Variants in COG6 observed in about 807,000 individuals in gnomAD.
The protein encoded by COG6 is component of oligomeric golgi complex 6.
A neutral mutation model predicts 88.8 loss-of-function variants in COG6; 74 were observed. That is an observed-to-expected ratio of 0.83 (90% CI 0.69 to 1.01). COG6 has a LOEUF of 1.01. Among genes scored for constraint, COG6 ranks in the 50% least tolerant of loss-of-function variants. The pLI is 0.00. For missense variants in COG6, 800 were observed against 797.9 expected, an observed-to-expected ratio of 1.00 and a Z score of -0.03; for synonymous variants, 286 against 278.7, an observed-to-expected ratio of 1.03 and a Z score of -0.26.
chr13:39,720,404 T>G (rs1203450464), intron 15 of COG6, among the ~76,000 whole-genome samples: 2 of 152,080 alleles, frequency 1.3e-5, no homozygotes, highest in Non-Finnish European at 2.9e-5. Context: ...GGATTCCAGT[T>G]TTAAGCAGTG....
At chr13:39,742,851 G>A (rs1027192919) in intron 18 of COG6, among the ~76,000 whole-genome samples, 1 of 152,038 alleles carries the variant, frequency 6.6e-6, no homozygotes, top group African/African-American at 2.4e-5. Context: ...CACATAGTTC[G>A]AAGTAAAGCA....
Position 39,665,151 on chromosome 13 carries a change from A to C in COG6, c.425A>C (p.Glu142Ala), listed in dbSNP as rs1444224454. 2.0e-6 allele frequency: 3 copies of C among 1,522,278 alleles called. No homozygotes were observed. The South Asian group carries it at 3.4e-5, about 17-fold the overall frequency. The allele number at this position is 1,522,278 out of a possible 1,614,324, so 94.3% of individuals were successfully genotyped here. A position where few individuals can be genotyped will look rare whatever the true frequency, so the allele number is the denominator to read the frequency against. ...LIVKTTKLQS[E>A]SQKLEIRAQV... ...GTAAAAACCACTAAGCTTCAATCTG[A>C]AAGGTAAGTTTTTCTTCATACAACC... The change falls in exon 4 of 19, where the codon GAA becomes GCA. Residue 142 changes from glutamate (E) to alanine (A), a missense_variant. Transcript: ENST00000455146.
chr13:39,686,631 A>G (rs988768954), intron 8 of COG6, among the ~76,000 whole-genome samples: 1 of 152,258 alleles, frequency 6.6e-6, no homozygotes, highest in African/African-American at 2.4e-5. Flanking sequence ...AAAGATGGAT[A>G]GCAATTTTTG....
intron 4 of COG6, among the ~76,000 whole-genome samples, chr13:39,676,407 G>C (rs953199370): frequency 6.6e-6 from 1 of 152,072 alleles, no homozygotes; most frequent in Non-Finnish European, 1.5e-5. Context: ...ATAACTTTTA[G>C]ATATCAATAA....
intron 13 of COG6, among the ~76,000 whole-genome samples, chr13:39,713,848 T>C (rs543535947): frequency 6.6e-6 from 1 of 152,354 alleles, no homozygotes; most frequent in South Asian, 2.1e-4. Flanking sequence ...CCTCCTTAGA[T>C]TTTCTTTCTG....
At chr13:39,777,069 T>G (rs1881486355) in intron 18 of COG6, among the ~76,000 whole-genome samples, 1 of 152,214 alleles carries the variant, frequency 6.6e-6, no homozygotes, top group African/African-American at 2.4e-5. Context: ...CATCAAGTGT[T>G]AGGCTAACTA....
intron 18 of COG6, among the ~76,000 whole-genome samples, chr13:39,771,164 A>G (rs1181221626): frequency 6.6e-6 from 1 of 152,120 alleles, no homozygotes; most frequent in African/African-American, 2.4e-5. Context: ...GTCATTCCAT[A>G]CAAGGTTGAT....
intron 8 of COG6, among the ~76,000 whole-genome samples, chr13:39,686,892 G>A (rs890949516): frequency 2.0e-5 from 3 of 151,860 alleles, no homozygotes; most frequent in Non-Finnish European, 4.4e-5. Context: ...ACCATGCCTG[G>A]CTATTTTTTT....
chr13:39,742,775 C>T (rs530484315), intron 18 of COG6, among the ~76,000 whole-genome samples: 1 of 152,304 alleles, frequency 6.6e-6, no homozygotes, highest in South Asian at 2.1e-4. Flanking sequence ...CTACAGAACT[C>T]TCCACCCCAA....
chr13:39,676,243 TA>T (rs1407626231), intron 4 of COG6, among the ~76,000 whole-genome samples: 1 of 151,940 alleles, frequency 6.6e-6, no homozygotes, highest in Non-Finnish European at 1.5e-5. Flanking sequence ...AAATAAACTC[TA>T]AATGGATTAA....
chr13:39,713,629 G>A (rs549776363), intron 13 of COG6, among the ~76,000 whole-genome samples: 11 of 152,150 alleles, frequency 7.2e-5, no homozygotes, highest in South Asian at 4.2e-4. Context: ...CCAGCTACTC[G>A]GGAGGCCAAG....
At chr13:39,706,934 T>C (rs1234939145) in intron 13 of COG6, among the ~76,000 whole-genome samples, 1 of 152,110 alleles carries the variant, frequency 6.6e-6, no homozygotes, top group Non-Finnish European at 1.5e-5. Flanking sequence ...TCCACCCACC[T>C]CAGCCTCCCA....
intron 18 of COG6, among the ~76,000 whole-genome samples, chr13:39,767,327 T>C (rs774811977): frequency 4.6e-5 from 7 of 152,212 alleles, no homozygotes; most frequent in Non-Finnish European, 7.3e-5. Context: ...TGTACTCATG[T>C]TAGGAAATTG....
chr13:39,788,597 G>A, exon 19 of COG6: 1 of 524,506 alleles, frequency 1.9e-6, no homozygotes, highest in Non-Finnish European at 3.4e-6. Context: ...CACACAGCAT[G>A]TAGAGTTGCT....
chr13:39,663,534 G>T (rs1170661172), intron 3 of COG6, among the ~76,000 whole-genome samples: 3 of 152,166 alleles, frequency 2.0e-5, no homozygotes, highest in East Asian at 1.9e-4. Context: ...AGCATTTGAA[G>T]AACTTATTGG....
chr13:39,664,915 T>C (rs1276799957), intron 3 of COG6, among the ~76,000 whole-genome samples, 181 bp from the exon 4 acceptor site: 5 of 152,346 alleles, frequency 3.3e-5, no homozygotes, highest in South Asian at 4.1e-4. Context: ...TATTAAGAAC[T>C]GAGTGTGTTC....
At chr13:39,689,102 A>G (rs546400508) in intron 10 of COG6, among the ~76,000 whole-genome samples, 7 of 152,304 alleles carry the variant, frequency 4.6e-5, no homozygotes, top group African/African-American at 1.7e-4. Context: ...AGTTTAAATA[A>G]ATGTGTTTCC....
At position 39,712,056 on chromosome 13, in the gene COG6, C is replaced by T. The variant is rs188393699; in HGVS notation, c.1285-7180C>T. Among the ~76,000 whole-genome samples, 467 of 152,222 alleles carry T rather than the reference C, an allele frequency of 3.1e-3. 2 individuals carry two copies. The highest frequency in any genetic ancestry group is 9.5e-3 in the African/African-American group (396 of 41,530). ...TGTATTTTTAGTAGAGACGGGGTTT[C>T]GCCATATTGGCCAGGTTGGTCTCGA... On this transcript the variant is annotated intron_variant, in intron 13 of 18. Transcript: ENST00000455146.
At chr13:39,731,124 A>G (rs903313355) in intron 18 of COG6, among the ~76,000 whole-genome samples, 3 of 152,056 alleles carry the variant, frequency 2.0e-5, no homozygotes, top group Non-Finnish European at 4.4e-5. Flanking sequence ...CCCGGCCTAA[A>G]GCAAATTTTT....
Sources: allele counts gnomAD v4.1 joint callset (sites outside exome capture counted in the v4.1 genomes callset), GRCh38; gene constraint gnomAD v4.1.1; transcripts MANE v1.5; gene names NCBI Gene and HGNC (gene_info 2026-07-23, HGNC 2026-07-21).